Variants in TRHDE observed in about 807,000 individuals in gnomAD.
The protein encoded by TRHDE is thyrotropin-releasing hormone-degrading ectoenzyme.
TRHDE carries 72 observed loss-of-function variants against 125.7 expected under a neutral mutation model. The observed-to-expected ratio is 0.57, with a 90% CI of 0.47 to 0.70. TRHDE has a LOEUF of 0.70. Ranked by LOEUF, TRHDE falls within the 30% of genes least tolerant of loss-of-function variation. The probability of loss-of-function intolerance (pLI) is 0.00; values close to 1 mark genes in which losing one functional copy is unlikely to be tolerated. For missense variants in TRHDE, 1,110 were observed against 1,327.1 expected (o/e 0.84, Z 2.54); for synonymous variants, 509 against 509.1 (o/e 1.00, Z 0.00).
chr12:72,133,053 G>A (rs1045910545), intron 2 of TRHDE, among the ~76,000 whole-genome samples: 1 of 152,170 alleles, frequency 6.6e-6, no homozygotes, highest in African/African-American at 2.4e-5. Context: ...CTGCAGAATC[G>A]GTGCCATGAT....
chr12:72,330,896 A>G (rs1869562857), intron 2 of TRHDE, among the ~76,000 whole-genome samples: 3 of 152,176 alleles, frequency 2.0e-5, no homozygotes, highest in African/African-American at 2.4e-5. Flanking sequence ...CAACACAGGT[A>G]TCTGGGTCCC....
chr12:72,538,367 A>T (rs1241221943), intron 6 of TRHDE, among the ~76,000 whole-genome samples: 1 of 151,936 alleles, frequency 6.6e-6, no homozygotes, highest in Non-Finnish European at 1.5e-5. Flanking sequence ...TCTGTTTTTT[A>T]TCACAATATG....
At chr12:72,417,369 C>T (rs1444761671) in intron 3 of TRHDE, among the ~76,000 whole-genome samples, 1 of 151,958 alleles carries the variant, frequency 6.6e-6, no homozygotes, top group Non-Finnish European at 1.5e-5. Context: ...AACAATTAGA[C>T]TCTTTTTATT....
chr12:72,198,913 G>A (rs1342927874), intron 2 of TRHDE, among the ~76,000 whole-genome samples: 4 of 151,676 alleles, frequency 2.6e-5, no homozygotes, highest in Non-Finnish European at 5.9e-5. Flanking sequence ...GAGCAGGCAC[G>A]TCTTACCATG....
intron 2 of TRHDE, among the ~76,000 whole-genome samples, chr12:72,187,477 C>CGTGGTGGTCGTG (rs1565658232): frequency 1.9e-5 from 2 of 104,570 alleles, no homozygotes; most frequent in African/African-American, 7.7e-5. Flanking sequence ...TGGTTGTGGT[C>CGTGGTGGTCGTG]GTGGTGGTGG....
intron 2 of TRHDE, among the ~76,000 whole-genome samples, chr12:72,114,199 C>G (rs1019960018): frequency 1.4e-4 from 4 of 27,898 alleles, no homozygotes; most frequent in African/African-American, 3.6e-4. Context: ...CTTTCAAACT[C>G]TGTCAAACAT....
At chr12:72,518,556 G>T (rs1879004289) in intron 6 of TRHDE, among the ~76,000 whole-genome samples, 1 of 152,204 alleles carries the variant, frequency 6.6e-6, no homozygotes, top group Admixed American at 6.5e-5. Context: ...TGTGAGATGG[G>T]TTTCCTGAAT....
intron 18 of TRHDE, among the ~76,000 whole-genome samples, chr12:72,660,162 G>A (rs919189338): frequency 1.3e-5 from 2 of 152,164 alleles, no homozygotes; most frequent in African/African-American, 4.8e-5. Context: ...ATATGTCAGC[G>A]TTTTCTTCTA....
chr12:72,279,890 C>T (rs1319363747), intron 1 of TRHDE, among the ~76,000 whole-genome samples: 2 of 152,164 alleles, frequency 1.3e-5, no homozygotes, highest in African/African-American at 4.8e-5. Flanking sequence ...TAATCATTCA[C>T]ATCTTTCCTC....
chr12:72,216,174 T>A (rs1877886626), intron 2 of TRHDE, among the ~76,000 whole-genome samples: 1 of 152,130 alleles, frequency 6.6e-6, no homozygotes. Flanking sequence ...TCCAGAAATC[T>A]AGTGAATAAG....
chr12:72,467,145 C>T (rs1294249041), intron 3 of TRHDE, among the ~76,000 whole-genome samples: 1 of 152,134 alleles, frequency 6.6e-6, no homozygotes, highest in African/African-American at 2.4e-5. Context: ...AGGTTTGTTA[C>T]ATATGTATAC....
intron 2 of TRHDE, among the ~76,000 whole-genome samples, chr12:72,167,826 A>G (rs972501402): frequency 2.0e-5 from 3 of 152,230 alleles, no homozygotes; most frequent in Non-Finnish European, 4.4e-5. Flanking sequence ...TACTTATAGC[A>G]TTTTGTTTCT....
intron 2 of TRHDE, among the ~76,000 whole-genome samples, chr12:72,204,389 T>C (rs1463376203): frequency 6.6e-6 from 1 of 152,162 alleles, no homozygotes; most frequent in Non-Finnish European, 1.5e-5. Context: ...ACCCCTCCAT[T>C]GCTGTGCTTC....
chr12:72,110,297 G>A (rs1875287161), intron 2 of TRHDE, among the ~76,000 whole-genome samples: 2 of 152,150 alleles, frequency 1.3e-5, no homozygotes, highest in South Asian at 4.2e-4. Flanking sequence ...TTTATCCTGT[G>A]GGCATTTCAT....
In TRHDE at chr12:72,258,665, T is replaced by C. The variant is rs528937003; in HGVS notation, n.280-119330T>C. On this transcript the variant is annotated intron_variant and non_coding_transcript_variant, in intron 2 of 4. Transcript: ENST00000548156. ...ATTCAAGTTTTGCCAGTTGTTCTCA[T>C]GTCTTTATAGTAAAAAGGTCCAGTT... 2.0e-5 allele frequency among the ~76,000 whole-genome samples: 3 copies of C among 152,310 alleles called. No individual in the cohort carries two copies. In the East Asian group the frequency reaches 5.8e-4, roughly 29 times the overall value.
intron 2 of TRHDE, among the ~76,000 whole-genome samples, chr12:72,135,549 G>GTTT (rs202197870): frequency 0.031 from 4,374 of 140,456 alleles, 111 homozygotes; most frequent in African/African-American, 0.07. Context: ...GTGTAAACAT[G>GTTT]TTTTTTTTTT....
rs372804290 is a variant in TRHDE, at chr12:72,273,179, A to G, written c.536A>G (p.Glu179Gly). 6.3e-6 allele frequency: 10 copies of G among 1,594,334 alleles called. No individual in the cohort carries two copies. In the African/African-American group the frequency reaches 1.2e-4, roughly 19 times the overall value. Residue 179 changes from glutamate (E) to glycine (G), a missense_variant, in exon 1 of 19, where the codon GAG becomes GGG. Physicochemically the swap from Glu to Gly is moderately conservative, Grantham distance 98. Transcript: ENST00000261180. The surrounding 1 kb of genome is among the most constrained non-coding windows in gnomAD (Gnocchi z 5.3). ...PPSEEEREPWEPWTQLRLSGH... is the reference protein window; with the variant it reads ...PPSEEEREPWGPWTQLRLSGH... The stretch of plus-strand genomic sequence containing the variant: ...TCGGAGGAGGAGCGGGAGCCGTGGG[A>G]GCCGTGGACGCAGCTGCGCCTGTCG...
At chr12:72,218,491 A>C (rs180711074) in intron 2 of TRHDE, among the ~76,000 whole-genome samples, 1 of 152,006 alleles carries the variant, frequency 6.6e-6, no homozygotes, top group Non-Finnish European at 1.5e-5. Flanking sequence ...TTAGTTTCTT[A>C]AGGTTGCTGT....
At chr12:72,573,134 G>A (rs923361649) in intron 10 of TRHDE, among the ~76,000 whole-genome samples, 6 of 151,686 alleles carry the variant, frequency 4.0e-5, no homozygotes, top group Non-Finnish European at 7.4e-5. Flanking sequence ...CTGCCTTCAA[G>A]GTTGCTAAGG....
Sources: allele counts gnomAD v4.1 joint callset (sites outside exome capture counted in the v4.1 genomes callset), GRCh38; gene constraint gnomAD v4.1.1; non-coding constraint Gnocchi (gnomAD v3.1); transcripts MANE v1.5; gene names NCBI Gene and HGNC (gene_info 2026-07-23, HGNC 2026-07-21).